The following OBSL1 variants were observed in gnomAD, a reference collection of about 807,000 sequenced individuals.
OBSL1 encodes the protein obscurin like cytoskeletal adaptor 1.
In OBSL1, 160 loss-of-function variants were observed where a neutral mutation model predicts 172.0. That is an observed-to-expected ratio of 0.93 (90% CI 0.82 to 1.06). The LOEUF (loss-of-function observed/expected upper bound fraction) is 1.06, where lower values mean the gene tolerates loss of function less well. Ranked by LOEUF, OBSL1 falls within the 50% of genes least tolerant of loss-of-function variation. The pLI is 0.00. For synonymous variants in OBSL1, 1,200 were observed against 1,196.3 expected (o/e 1.00, Z -0.06); for missense variants, 2,681 against 2,715.4 (o/e 0.99, Z 0.28).
chr2:219,547,627 G>A (rs368920473), downstream of OBSL1: 10 of 1,513,078 alleles, frequency 6.6e-6, no homozygotes, highest in East Asian at 6.9e-5. Flanking sequence ...GGGCGAGCGC[G>A]GGCATCGCTC....
At chr2:219,553,999 GA>G (rs968388575) in intron 15 of OBSL1, among the ~76,000 whole-genome samples, 6 of 151,846 alleles carry the variant, frequency 4.0e-5, no homozygotes, top group African/African-American at 1.2e-4. Context: ...TGGTCAGTGG[GA>G]ACATCCTGGG....
chr2:219,553,151 TC>T, intron 16 of OBSL1, 127 bp from the exon 17 acceptor site: 1 of 1,280,830 alleles, frequency 7.8e-7, no homozygotes, highest in South Asian at 1.6e-5. Context: ...TGTCTCGTGT[TC>T]CCAGGCTGGG....
At chr2:219,549,733 TCCGAGA>T (rs1559128933), downstream of OBSL1, 1 of 1,613,690 alleles carries the variant, frequency 6.2e-7, no homozygotes, top group Non-Finnish European at 8.5e-7. Context: ...ATCCAGAGCT[TCCGAGA>T]CCGGCAGACC....
In OBSL1 at chr2:219,571,121, C is replaced by A. The variant is rs780022531; in HGVS notation, c.112G>T (p.Glu38Ter). 2 of 1,471,112 alleles carry A rather than the reference C, an allele frequency of 1.4e-6. No individual in the cohort carries two copies. Among genetic ancestry groups the A allele is most frequent in the African/African-American group, 1.5e-5 (1 of 68,318 alleles). 91.1% of individuals were successfully genotyped at this position (1,471,112 alleles called of 1,614,324 possible). A position where few individuals can be genotyped will look rare whatever the true frequency, so the allele number is the denominator to read the frequency against. Residue 38 changes from glutamate (E) to a stop codon, truncating the protein, a stop_gained, in exon 1 of 21, where the codon GAG becomes TAG. Transcript: ENST00000404537. LOFTEE classifies it high-confidence loss of function. ...TCCCACACCACTACAGGCGGCGGCT[C>A]CCCCAGGACCACGCACTTGAGCTCG... ...EAELKCVVLGEPPPVVVWEKG... is the reference protein window; with the variant it reads ...EAELKCVVLG
At chr2:219,555,853 T>G in intron 14 of OBSL1, 167 bp downstream of exon 14, 1 of 1,427,166 alleles carries the variant, frequency 7.0e-7, no homozygotes, top group Non-Finnish European at 9.2e-7. Context: ...ATAAAAAATA[T>G]TAGAAAAAGA....
chr2:219,549,677 T>C (rs1455826877), downstream of OBSL1: 1 of 1,605,980 alleles, frequency 6.2e-7, no homozygotes, highest in Non-Finnish European at 8.5e-7. Context: ...TAGGGCAGGA[T>C]TCTGCGGTGG....
downstream of OBSL1, chr2:219,549,684 G>A (rs768944432): frequency 6.2e-7 from 1 of 1,607,490 alleles, no homozygotes; most frequent in Admixed American, 1.7e-5. Context: ...GGATTCTGCG[G>A]TGGGACTCAC....
chr2:219,552,104 G>C lies in OBSL1; in HGVS notation c.5413+8C>G. ...ACACTCTCTGTCGCTCCCACCCCAG[G>C]TGCTTACCCTCCACTTCCAGTAGAG... is the stretch of plus-strand genomic sequence containing the variant. On this transcript the variant is annotated splice_region_variant and intron_variant, in intron 19 of 20. Coordinates refer to ENST00000404537, the MANE Select transcript of OBSL1 (RefSeq NM_015311.3). 3.1e-6 allele frequency: 5 copies of C among 1,602,462 alleles called. No individual in the cohort carries two copies. Among genetic ancestry groups the C allele is most frequent in the Non-Finnish European group, 4.3e-6 (5 of 1,174,790 alleles).
Position 219,570,500 on chromosome 2 carries a change from C to A in OBSL1, c.733G>T (p.Val245Leu), listed in dbSNP as rs1697264783. The A allele has an allele frequency of 2.5e-6, 4 of 1,611,654 alleles. No homozygotes were observed. The highest frequency in any genetic ancestry group is 1.7e-5 in the Admixed American group (1 of 59,954). The change falls in exon 1 of 21, where the codon GTG becomes TTG. Residue 245 changes from valine (V) to leucine (L), a missense_variant. Physicochemically the swap from Val to Leu is conservative, Grantham distance 32 (BLOSUM62 1). Around this residue, in one of 5 missense-constraint regions of OBSL1, gnomAD observed 706 missense variants for 695.8 expected, o/e 1.01. Coordinates refer to ENST00000404537, the MANE Select transcript of OBSL1 (RefSeq NM_015311.3). Reference protein sequence around the residue: ...ADPDEAPAPVVEPLKCAPKTF... With the variant: ...ADPDEAPAPVLEPLKCAPKTF... ...TTAGGCGCGCACTTGAGCGGCTCCA[C>A]CACCGGCGCGGGGGCCTCGTCGGGG... is the stretch of plus-strand genomic sequence containing the variant.
At position 219,558,053 on chromosome 2, in the gene OBSL1, G is replaced by A; in HGVS notation, c.3560C>T (p.Pro1187Leu). 1.2e-6 allele frequency: 2 copies of A among 1,613,554 alleles called. No individual in the cohort carries two copies. Among genetic ancestry groups the A allele is most frequent in the South Asian group, 2.2e-5 (2 of 91,084 alleles). The change falls in exon 11 of 21, where the codon CCT becomes CTT. Residue 1187 changes from proline (P) to leucine (L), a missense_variant. Transcript: ENST00000404537. ...ACAGCTCAGCACCACTGGCTCCCCA[G>A]GGGCCACACAGAGCGGGCTTGGAGT... Reference protein sequence around the residue: ...ETTPSPLCVAPGEPVVLSCEL... With the variant: ...ETTPSPLCVALGEPVVLSCEL...
chr2:219,558,944 T>C (rs1696249317), intron 9 of OBSL1: 9 of 468,124 alleles, frequency 1.9e-5, no homozygotes, highest in Non-Finnish European at 1.1e-5. Context: ...ATTGGTTCAC[T>C]GCTGTATCCC....
chr2:219,551,407 T>G, intron 20 of OBSL1, 122 bp downstream of exon 20: 1 of 1,088,470 alleles, frequency 9.2e-7, no homozygotes, highest in Non-Finnish European at 1.3e-6. Flanking sequence ...CATCCCCACC[T>G]CCTACGTATC....
At chr2:219,555,625 A>T (rs776407576) in intron 14 of OBSL1, 16 of 1,026,064 alleles carry the variant, frequency 1.6e-5, no homozygotes, top group Non-Finnish European at 1.8e-5. Context: ...GTTAACTTGC[A>T]TGAGGTCACA....
At chr2:219,557,275 G>GTC in intron 12 of OBSL1, 68 bp downstream of exon 12, 1 of 1,395,376 alleles carries the variant, frequency 7.2e-7, no homozygotes, top group Non-Finnish European at 9.4e-7. Flanking sequence ...GGAGTAAGGG[G>GTC]GCCCTAGAAA....
chr2:219,563,992 A>G (rs1696689786), intron 6 of OBSL1, among the ~76,000 whole-genome samples: 1 of 152,208 alleles, frequency 6.6e-6, no homozygotes, highest in East Asian at 1.9e-4. Context: ...ATTACGAGAA[A>G]GACCCCAGGG....
chr2:219,547,980 G>C, downstream of OBSL1: 1 of 1,585,078 alleles, frequency 6.3e-7, no homozygotes, highest in East Asian at 2.3e-5. Flanking sequence ...CCCCCACTCT[G>C]CTGGCGAAGC....
chr2:219,552,508 G>T, intron 18 of OBSL1, 28 bp downstream of exon 18: 2 of 1,582,290 alleles, frequency 1.3e-6, no homozygotes, highest in Non-Finnish European at 1.7e-6. Context: ...GCAGCGAGGG[G>T]CCCGAAAGGG....
At chr2:219,548,086 G>A (rs1233919970), downstream of OBSL1, 54 of 1,536,792 alleles carry the variant, frequency 3.5e-5, no homozygotes, top group Non-Finnish European at 4.7e-5. Context: ...CGGAAGGTAA[G>A]GGGGCACAGG....
At position 219,551,577 on chromosome 2, in the gene OBSL1, A is replaced by T. The variant is rs762917210; in HGVS notation, c.5635T>A (p.Cys1879Ser). ...DVRPEDQGTYCCQAGQDSTHT... is the reference protein window; with the variant it reads ...DVRPEDQGTYSCQAGQDSTHT... Reference sequence around the variant, plus strand: ...GTGCTGTCCTGGCCGGCCTGGCAGCAGTAAGTGCCTTGGTCCTCAGGTCGA... The same window carrying T: ...GTGCTGTCCTGGCCGGCCTGGCAGCTGTAAGTGCCTTGGTCCTCAGGTCGA... Residue 1879 changes from cysteine to serine, a missense_variant, in exon 20 of 21, where the codon TGC becomes AGC. Transcript: ENST00000404537. 1.2e-6 allele frequency: 2 copies of T among 1,606,742 alleles called. No individual in the cohort carries two copies. Among genetic ancestry groups the T allele is most frequent in the Non-Finnish European group, 1.7e-6 (2 of 1,176,850 alleles).
Sources: gnomAD v4.1 joint callset for allele counts (sites outside exome capture counted in the v4.1 genomes callset) on GRCh38, gnomAD v4.1.1 for gene constraint, gnomAD v4.1.1 regional missense constraint, MANE v1.5 for transcripts, NCBI Gene and HGNC (gene_info 2026-07-23, HGNC 2026-07-21) for gene names.